Variants in KDM4C observed in about 807,000 individuals in gnomAD.
The protein encoded by KDM4C is lysine-specific demethylase 4C.
KDM4C carries 81 observed loss-of-function variants against 129.3 expected under a neutral mutation model. The ratio of observed to expected loss-of-function variants is 0.63; its 90% confidence interval spans 0.52 to 0.75. The LOEUF is 0.75. KDM4C is among the 30% of genes least tolerant of loss of function. KDM4C has a pLI of 0.00. For missense variants in KDM4C, 1,457 were observed against 1,304.0 expected, an observed-to-expected ratio of 1.12 and a Z score of -1.81; for synonymous variants, 573 against 456.1, an observed-to-expected ratio of 1.26 and a Z score of -3.26.
intron 8 of KDM4C, among the ~76,000 whole-genome samples, chr9:6,923,286 T>C (rs1821885324): frequency 6.6e-6 from 1 of 152,172 alleles, no homozygotes; most frequent in Non-Finnish European, 1.5e-5. Context: ...TGTTGCTGCA[T>C]GTGACCCTCT....
chr9:7,002,484 G>A (rs1159199555), intron 12 of KDM4C, among the ~76,000 whole-genome samples: 1 of 152,148 alleles, frequency 6.6e-6, no homozygotes, highest in East Asian at 1.9e-4. Context: ...ATTTTAAAAT[G>A]TATTAATACT....
chr9:7,140,646 C>G (rs567417018), intron 19 of KDM4C, among the ~76,000 whole-genome samples: 2 of 152,192 alleles, frequency 1.3e-5, no homozygotes, highest in African/African-American at 4.8e-5. Flanking sequence ...ATACCTTATC[C>G]TTCCATGATG....
intron 17 of KDM4C, among the ~76,000 whole-genome samples, chr9:7,071,706 A>G (rs4641121): frequency 0.78 from 118,303 of 152,058 alleles, 46,280 homozygotes; most frequent in African/African-American, 0.83. Flanking sequence ...TTACGTCACA[A>G]AAGCCCTATG....
intron 11 of KDM4C, among the ~76,000 whole-genome samples, chr9:6,987,175 T>C (rs1817872048): frequency 6.6e-6 from 1 of 152,152 alleles, no homozygotes; most frequent in East Asian, 1.9e-4. Context: ...TTCCCACAGC[T>C]TCTATTTCAG....
chr9:7,048,084 T>C (rs896373871), intron 16 of KDM4C, among the ~76,000 whole-genome samples: 3 of 152,120 alleles, frequency 2.0e-5, no homozygotes, highest in African/African-American at 7.2e-5. Flanking sequence ...CTGGTTGATA[T>C]GATTCGCACT....
chr9:7,117,039 T>G (rs1029580996), intron 18 of KDM4C, among the ~76,000 whole-genome samples: 4 of 152,214 alleles, frequency 2.6e-5, no homozygotes, highest in Admixed American at 2.6e-4. Context: ...TTGTGTGTGG[T>G]ACATATTATG....
chr9:6,880,368 G>A (rs556153926), intron 6 of KDM4C, among the ~76,000 whole-genome samples: 1 of 152,230 alleles, frequency 6.6e-6, no homozygotes, highest in East Asian at 1.9e-4. Flanking sequence ...TTAATGTAAT[G>A]CATTCAACGT....
chr9:6,884,541 A>T (rs1844964522), intron 6 of KDM4C, among the ~76,000 whole-genome samples: 2 of 152,222 alleles, frequency 1.3e-5, no homozygotes, highest in South Asian at 4.1e-4. Context: ...ATAAAACTTC[A>T]TCAAAGCATA....
chr9:6,770,435 A>G (rs1821527738), intron 1 of KDM4C, among the ~76,000 whole-genome samples: 1 of 152,158 alleles, frequency 6.6e-6, no homozygotes, highest in South Asian at 2.1e-4. Context: ...ATACATGTCA[A>G]TATCTGTGTA....
intron 8 of KDM4C, among the ~76,000 whole-genome samples, chr9:6,934,466 C>G (rs930280993): frequency 7.1e-6 from 1 of 141,068 alleles, no homozygotes; most frequent in Non-Finnish European, 1.6e-5. Context: ...GGTGACAGAG[C>G]AAGACCCCGC....
intron 19 of KDM4C, among the ~76,000 whole-genome samples, chr9:7,143,858 C>T (rs1424516970): frequency 6.6e-6 from 1 of 152,144 alleles, no homozygotes; most frequent in Admixed American, 6.5e-5. Flanking sequence ...GTAGTAATTA[C>T]ACATATCCCT....
chr9:7,055,278 G>T (rs901585153), intron 17 of KDM4C, among the ~76,000 whole-genome samples: 1 of 152,168 alleles, frequency 6.6e-6, no homozygotes, highest in South Asian at 2.1e-4. Context: ...TATGTCTTTA[G>T]ACCTTTCTAG....
chr9:6,812,435 C>A (rs1300966686), intron 3 of KDM4C, among the ~76,000 whole-genome samples: 1 of 152,082 alleles, frequency 6.6e-6, no homozygotes, highest in Admixed American at 6.6e-5. Context: ...TGGCAAGGGA[C>A]TGGTTTTGTG....
intron 7 of KDM4C, among the ~76,000 whole-genome samples, chr9:6,889,435 G>T (rs1356648952): frequency 6.6e-6 from 1 of 152,108 alleles, no homozygotes; most frequent in Admixed American, 6.5e-5. Flanking sequence ...TGAAAAAATC[G>T]TGCCTCCGAG....
chr9:7,140,845 G>C (rs1841672960), intron 19 of KDM4C, among the ~76,000 whole-genome samples: 1 of 152,174 alleles, frequency 6.6e-6, no homozygotes, highest in Non-Finnish European at 1.5e-5. Context: ...AGAAGTCCTG[G>C]GATGACAGGA....
chr9:6,825,342 G>T (rs1833715082), intron 4 of KDM4C, among the ~76,000 whole-genome samples: 1 of 152,186 alleles, frequency 6.6e-6, no homozygotes, highest in Non-Finnish European at 1.5e-5. Flanking sequence ...AGGTCTGCGT[G>T]TCTTCCTGTG....
intron 19 of KDM4C, among the ~76,000 whole-genome samples, chr9:7,140,351 T>C (rs1841621698): frequency 6.6e-6 from 1 of 151,204 alleles, no homozygotes; most frequent in Admixed American, 6.6e-5. Context: ...TTGTTGGGTT[T>C]TTTTGTTTTT....
At chr9:7,115,158 A>G (rs181247864) in intron 18 of KDM4C, among the ~76,000 whole-genome samples, 2 of 152,298 alleles carry the variant, frequency 1.3e-5, no homozygotes, top group East Asian at 3.9e-4. Flanking sequence ...TCAAGGGCCA[A>G]CTTACTGAGG....
chr9:7,084,904 C>A (rs556610876), intron 17 of KDM4C, among the ~76,000 whole-genome samples: 2 of 152,250 alleles, frequency 1.3e-5, no homozygotes, highest in East Asian at 3.9e-4. Context: ...ATACGTTAAA[C>A]AAATGATTAG....
Sources: gnomAD v4.1 joint callset for allele counts (sites outside exome capture counted in the v4.1 genomes callset) on GRCh38, gnomAD v4.1.1 for gene constraint, MANE v1.5 for transcripts, NCBI Gene and HGNC (gene_info 2026-07-23, HGNC 2026-07-21) for gene names.